ELP4: variants seen among roughly 807,000 people sequenced by gnomAD.
The protein encoded by ELP4 is elongator acetyltransferase complex subunit 4.
ELP4 carries 51 observed loss-of-function variants against 48.9 expected under a neutral mutation model. The ratio of observed to expected loss-of-function variants is 1.04; its 90% CI spans 0.83 to 1.32. ELP4 has a LOEUF of 1.32. Among genes scored for constraint, ELP4 ranks in the 40% most tolerant of loss-of-function variants. The pLI is 0.00. For synonymous variants in ELP4, 210 were observed against 189.2 expected, an observed-to-expected ratio of 1.11 and a Z score of -0.90; for missense variants, 519 against 514.6, an observed-to-expected ratio of 1.01 and a Z score of -0.08.
intron 9 of ELP4, among the ~76,000 whole-genome samples, chr11:31,683,584 A>G (rs1345915123): frequency 6.6e-6 from 1 of 152,166 alleles, no homozygotes; most frequent in Non-Finnish European, 1.5e-5. Flanking sequence ...TGCAGGTTCC[A>G]AGGCCATGGG....
chr11:31,561,828 A>G (rs1224719381), intron 3 of ELP4, among the ~76,000 whole-genome samples: 1 of 152,218 alleles, frequency 6.6e-6, no homozygotes, highest in Non-Finnish European at 1.5e-5. Context: ...TTAGTTCAAT[A>G]TATGTAAGAA....
intron 9 of ELP4, chr11:31,651,231 C>A (rs1945311734): frequency 6.6e-6 from 1 of 151,572 alleles, no homozygotes; most frequent in South Asian, 2.1e-4. Context: ...TTTCTCTTTC[C>A]CTTCACATTT....
At chr11:31,545,135 G>C (rs1457433906) in intron 3 of ELP4, among the ~76,000 whole-genome samples, 1 of 152,218 alleles carries the variant, frequency 6.6e-6, no homozygotes, top group East Asian at 1.9e-4. Flanking sequence ...AAGTTGGACA[G>C]AGAATGACTT....
intron 3 of ELP4, among the ~76,000 whole-genome samples, chr11:31,543,513 G>T (rs761995714): frequency 6.6e-6 from 1 of 152,018 alleles, no homozygotes; most frequent in Non-Finnish European, 1.5e-5. Context: ...TAGAGACGGG[G>T]TTTCACCGTG....
At chr11:31,716,875 G>A (rs1018091089) in intron 9 of ELP4, among the ~76,000 whole-genome samples, 6 of 152,170 alleles carry the variant, frequency 3.9e-5, no homozygotes, top group African/African-American at 1.4e-4. Flanking sequence ...AGTGCAGTAA[G>A]AATTCAGAGA....
intron 2 of ELP4, among the ~76,000 whole-genome samples, chr11:31,531,097 G>A (rs1956389508): frequency 6.6e-6 from 1 of 152,108 alleles, no homozygotes; most frequent in Admixed American, 6.5e-5. Flanking sequence ...AGCTTGATGA[G>A]TTTAGTGTTT....
intron 9 of ELP4, among the ~76,000 whole-genome samples, chr11:31,774,750 C>A (rs914788494): frequency 1.3e-5 from 2 of 152,154 alleles, no homozygotes; most frequent in African/African-American, 4.8e-5. Context: ...GCCAACATAC[C>A]TTTAGGTAGG....
intron 9 of ELP4, among the ~76,000 whole-genome samples, chr11:31,686,585 G>T (rs528231266): frequency 3.3e-5 from 5 of 152,068 alleles, no homozygotes; most frequent in Non-Finnish European, 5.9e-5. Flanking sequence ...TTGTGTTTTA[G>T]AAGTATCACT....
intron 2 of ELP4, among the ~76,000 whole-genome samples, chr11:31,533,368 C>CTTTTTTTTTTTTTTTTG (rs1956434354): frequency 2.0e-5 from 1 of 50,460 alleles, no homozygotes; most frequent in Non-Finnish European, 3.3e-5. Context: ...CCATCTCATT[C>CTTTTTTTTTTTTTTTTG]TTTTTTTTTT....
chr11:31,546,059 G>C (rs997465436), intron 3 of ELP4, among the ~76,000 whole-genome samples: 4 of 151,752 alleles, frequency 2.6e-5, no homozygotes, highest in Admixed American at 6.6e-5. Flanking sequence ...ATCGAGACTA[G>C]GAAGAAACTG....
At chr11:31,715,345 A>G (rs1483732423) in intron 9 of ELP4, among the ~76,000 whole-genome samples, 1 of 152,180 alleles carries the variant, frequency 6.6e-6, no homozygotes, top group Non-Finnish European at 1.5e-5. Flanking sequence ...ACTATAATAA[A>G]TATATTAAGA....
Position 31,662,188 on chromosome 11 carries a change from G to A in ELP4, c.1143+11967G>A, listed in dbSNP as rs2134091875. ...CATTAAGATATGTTATTGACTTAAT[G>A]TGTAATTCAGTCAAAAACAAAAAAA... On this transcript the variant is annotated intron_variant, in intron 9 of 9. Coordinates refer to ENST00000640961, the MANE Select transcript of ELP4 (RefSeq NM_019040.5). 1.3e-5 allele frequency among the ~76,000 whole-genome samples: 2 copies of A among 152,168 alleles called. 1 individual carries two copies. Among genetic ancestry groups the A allele is most frequent in the South Asian group, 4.1e-4 (2 of 4,826 alleles).
intron 9 of ELP4, among the ~76,000 whole-genome samples, chr11:31,683,766 A>G (rs1230117842): frequency 6.6e-6 from 1 of 152,244 alleles, no homozygotes; most frequent in Non-Finnish European, 1.5e-5. Context: ...GATTTCTTCC[A>G]TCTGTACTAT....
intron 9 of ELP4, among the ~76,000 whole-genome samples, chr11:31,693,848 G>A (rs535093829): frequency 7.4e-4 from 113 of 152,150 alleles, no homozygotes; most frequent in African/African-American, 2.6e-3. Context: ...TTTAATGATC[G>A]CCACTCTAAC....
chr11:31,682,079 A>T, intron 9 of ELP4: 1 of 1,281,836 alleles, frequency 7.8e-7, no homozygotes, highest in Non-Finnish European at 1.0e-6. Context: ...TCTAAAGGTA[A>T]GTAGATACTG....
chr11:31,752,905 C>T (rs2134241586), intron 9 of ELP4, among the ~76,000 whole-genome samples: 1 of 151,684 alleles, frequency 6.6e-6, no homozygotes, highest in African/African-American at 2.4e-5. Flanking sequence ...AGAGAATCTG[C>T]AAACAGAATT....
intron 3 of ELP4, among the ~76,000 whole-genome samples, chr11:31,561,867 C>T (rs1304961319): frequency 6.6e-6 from 1 of 152,116 alleles, no homozygotes; most frequent in Non-Finnish European, 1.5e-5. Flanking sequence ...ATACTACATG[C>T]AGGGTTGTTG....
chr11:31,583,226 G>A (rs1194497945), intron 3 of ELP4, among the ~76,000 whole-genome samples: 1 of 152,032 alleles, frequency 6.6e-6, no homozygotes, highest in Admixed American at 6.6e-5. Context: ...GTTGCCAGTT[G>A]TTATGATTTG....
chr11:31,694,926 T>C (rs1469222881), intron 9 of ELP4, among the ~76,000 whole-genome samples: 1 of 152,200 alleles, frequency 6.6e-6, no homozygotes, highest in East Asian at 1.9e-4. Flanking sequence ...GAAGCAGTTG[T>C]GAATGGGAGT....
Sources: gnomAD v4.1 joint callset for allele counts (sites outside exome capture counted in the v4.1 genomes callset) on GRCh38, gnomAD v4.1.1 for gene constraint, MANE v1.5 for transcripts, NCBI Gene and HGNC (gene_info 2026-07-23, HGNC 2026-07-21) for gene names.